The following MLLT3 variants were observed in gnomAD, a reference collection of about 807,000 sequenced individuals.
MLLT3 encodes the protein MLLT3 super elongation complex subunit.
In MLLT3, 4 loss-of-function variants were observed where a neutral mutation model predicts 53.2. That is an observed-to-expected ratio of 0.08 (90% CI 0.04 to 0.17). The LOEUF (loss-of-function observed/expected upper bound fraction) is 0.17, where lower values mean the gene tolerates loss of function less well. MLLT3 is among the 10% of genes least tolerant of loss of function. The pLI is 1.00. For missense variants in MLLT3, 569 were observed against 684.0 expected, an observed-to-expected ratio of 0.83 and a Z score of 1.87; for synonymous variants, 283 against 230.6, an observed-to-expected ratio of 1.23 and a Z score of -2.06.
intron 2 of MLLT3, among the ~76,000 whole-genome samples, chr9:20,565,290 A>G (rs1819321477): frequency 6.6e-6 from 1 of 152,118 alleles, no homozygotes; most frequent in Non-Finnish European, 1.5e-5. Flanking sequence ...CTAGGTTATC[A>G]GCTACACTTA....
chr9:20,519,444 A>T (rs1342433605), intron 2 of MLLT3, among the ~76,000 whole-genome samples: 1 of 152,184 alleles, frequency 6.6e-6, no homozygotes, highest in Non-Finnish European at 1.5e-5. Flanking sequence ...GCCAGATGGA[A>T]GCATGTCATT....
In MLLT3 at chr9:20,617,488, T is replaced by C. The variant is rs115199808; in HGVS notation, c.193+3166A>G. Among the ~76,000 whole-genome samples, 922 of 152,252 alleles carry C rather than the reference T, an allele frequency of 6.1e-3. 16 individuals are homozygous for C. The highest frequency in any genetic ancestry group is 0.022 in the African/African-American group (895 of 41,548). ...ATATCATAAATGTCAGTGAAACAAA[T>C]TGCAATAGTAAGGATGGCTGTAACT... is the stretch of plus-strand genomic sequence containing the variant. On this transcript the variant is annotated intron_variant, in intron 2 of 10. Transcript: ENST00000380338.
At chr9:20,476,568 C>T (rs1586978907) in intron 2 of MLLT3, among the ~76,000 whole-genome samples, 1 of 152,132 alleles carries the variant, frequency 6.6e-6, no homozygotes, top group East Asian at 1.9e-4. Flanking sequence ...GTAATACATA[C>T]AATTATAAAT....
chr9:20,452,682 G>T (rs1823868008), intron 3 of MLLT3, among the ~76,000 whole-genome samples: 1 of 152,082 alleles, frequency 6.6e-6, no homozygotes, highest in Non-Finnish European at 1.5e-5. Context: ...TTTACCAATG[G>T]ATCATTTCAG....
intron 4 of MLLT3, among the ~76,000 whole-genome samples, chr9:20,427,836 CA>C (rs1563961908): frequency 1.3e-5 from 2 of 151,738 alleles, no homozygotes; most frequent in African/African-American, 4.8e-5. Context: ...ATAAATTAAA[CA>C]AGACTATTAT....
chr9:20,371,861 G>C (rs1444049956), intron 5 of MLLT3, among the ~76,000 whole-genome samples: 3 of 152,282 alleles, frequency 2.0e-5, no homozygotes, highest in Admixed American at 2.0e-4. Context: ...TGATATATCT[G>C]AGCAAAGTAA....
At chr9:20,486,018 GC>G (rs1824803382) in intron 2 of MLLT3, among the ~76,000 whole-genome samples, 1 of 152,036 alleles carries the variant, frequency 6.6e-6, no homozygotes, top group African/African-American at 2.4e-5. Flanking sequence ...ACACAGAGAT[GC>G]ATGTATTGTA....
At chr9:20,461,594 A>T (rs1289845251) in intron 2 of MLLT3, among the ~76,000 whole-genome samples, 1 of 151,962 alleles carries the variant, frequency 6.6e-6, no homozygotes, top group East Asian at 1.9e-4. Context: ...TATATATTCA[A>T]TAAATAAATG....
chr9:20,521,458 ATGTGTG>A (rs34711683), intron 2 of MLLT3, among the ~76,000 whole-genome samples: 44 of 148,634 alleles, frequency 3.0e-4, no homozygotes, highest in East Asian at 9.8e-4. Flanking sequence ...GTGTGTGTAT[ATGTGTG>A]TGTGTGTGTG....
chr9:20,434,845 G>C (rs1486891481), intron 4 of MLLT3, among the ~76,000 whole-genome samples: 3 of 151,922 alleles, frequency 2.0e-5, no homozygotes, highest in Non-Finnish European at 4.4e-5. Flanking sequence ...CTCGGTTGCA[G>C]AAAAAAGACA....
intron 7 of MLLT3, among the ~76,000 whole-genome samples, chr9:20,361,598 A>G (rs2118636213): frequency 6.6e-6 from 1 of 152,344 alleles, no homozygotes; most frequent in African/African-American, 2.4e-5. Flanking sequence ...TATGTTTGGG[A>G]TAACCGCTTT....
At chr9:20,365,198 C>T (rs1031207922) in intron 6 of MLLT3, among the ~76,000 whole-genome samples, 2 of 152,144 alleles carry the variant, frequency 1.3e-5, no homozygotes, top group African/African-American at 4.8e-5. Flanking sequence ...ATTTCTAGAG[C>T]CTTGCCTCGT....
chr9:20,463,220 T>A (rs1017732619), intron 2 of MLLT3, among the ~76,000 whole-genome samples: 4 of 152,142 alleles, frequency 2.6e-5, no homozygotes, highest in African/African-American at 9.7e-5. Flanking sequence ...ACTTCACTTG[T>A]TAGTAACTTG....
At chr9:20,391,510 C>A (rs1822178791) in intron 5 of MLLT3, among the ~76,000 whole-genome samples, 1 of 152,148 alleles carries the variant, frequency 6.6e-6, no homozygotes, top group East Asian at 1.9e-4. Flanking sequence ...ATCTAATAGG[C>A]AACATAAAGT....
chr9:20,614,120 C>T (rs931087859), intron 2 of MLLT3, among the ~76,000 whole-genome samples: 8 of 152,116 alleles, frequency 5.3e-5, no homozygotes, highest in African/African-American at 1.9e-4. Context: ...TAGGGCCGGG[C>T]GCGGTGCCTC....
chr9:20,547,383 C>G (rs1818814732), intron 2 of MLLT3, among the ~76,000 whole-genome samples: 1 of 151,936 alleles, frequency 6.6e-6, no homozygotes, highest in Non-Finnish European at 1.5e-5. Context: ...GTGGCTCACG[C>G]CTGTAATCCC....
rs1389060165 is a variant in MLLT3, at chr9:20,533,256, C to G, written c.194-76470G>C. 1.9e-5 allele frequency: 6 copies of G among 322,290 alleles called. No homozygotes were observed. In the East Asian group the frequency reaches 4.4e-4, roughly 24 times the overall value. 20.0% of individuals were successfully genotyped at this position (322,290 alleles called of 1,614,324 possible). ...ATAATGACAGATATGATGAGATCTG[C>G]CGTCACTGGGTCCCTAGACTGTGGC... On this transcript the variant is annotated intron_variant, in intron 2 of 10. Coordinates refer to ENST00000380338, the MANE Select transcript of MLLT3 (RefSeq NM_004529.4).
chr9:20,483,064 AAAAC>A (rs1192419180), intron 2 of MLLT3, among the ~76,000 whole-genome samples: 1 of 152,166 alleles, frequency 6.6e-6, no homozygotes, highest in African/African-American at 2.4e-5. Flanking sequence ...AGGTGAAAAA[AAAAC>A]AAACTGTGGA....
chr9:20,396,297 A>G (rs982956594), intron 5 of MLLT3, among the ~76,000 whole-genome samples: 3 of 152,120 alleles, frequency 2.0e-5, no homozygotes, highest in African/African-American at 7.2e-5. Flanking sequence ...GGAAGACAGA[A>G]GGAAACTAGA....
Sources: gnomAD v4.1 joint callset for allele counts (sites outside exome capture counted in the v4.1 genomes callset) on GRCh38, gnomAD v4.1.1 for gene constraint, MANE v1.5 for transcripts, NCBI Gene and HGNC (gene_info 2026-07-23, HGNC 2026-07-21) for gene names.